The following VAT1L variants were observed in gnomAD, a reference collection of about 807,000 sequenced individuals.
VAT1L encodes putative NADPH-dependent quinone oxidoreductase VAT1L.
VAT1L carries 34 observed loss-of-function variants against 44.1 expected under a neutral mutation model. That is an observed-to-expected ratio of 0.77 (90% CI 0.59 to 1.03). The LOEUF is 1.03. VAT1L is among the 50% of genes least tolerant of loss of function. The pLI is 0.00. For missense variants in VAT1L, 615 were observed against 538.8 expected (o/e 1.14, Z -1.40); for synonymous variants, 253 against 202.2 (o/e 1.25, Z -2.13).
intron 7 of VAT1L, among the ~76,000 whole-genome samples, chr16:77,886,768 G>A (rs1052439004): frequency 2.6e-5 from 4 of 152,172 alleles, no homozygotes; most frequent in Non-Finnish European, 2.9e-5. Context: ...TTGGATATAC[G>A]TTGGTGAGTG....
At chr16:77,885,187 A>T (rs2017197602) in intron 7 of VAT1L, among the ~76,000 whole-genome samples, 1 of 152,170 alleles carries the variant, frequency 6.6e-6, no homozygotes, top group African/African-American at 2.4e-5. Context: ...AGCTAAAATG[A>T]TTTGTGTGCT....
In VAT1L at chr16:77,884,756, A is replaced by G; in HGVS notation, c.1031A>G (p.Gln344Arg). Residue 344 changes from glutamine (Q) to arginine (R), a missense_variant, in exon 7 of 9, where the codon CAG becomes CGG. Coordinates refer to ENST00000302536, the MANE Select transcript of VAT1L (RefSeq NM_020927.3). This position sits in a 1 kb window ranked among gnomAD's most constrained non-coding sequence, Gnocchi z 4.5. Reference protein sequence around the residue: ...VVEKLIGLYNQKKIKPVVDSL... With the variant: ...VVEKLIGLYNRKKIKPVVDSL... ...GAAAAACTCATAGGGCTCTACAACC[A>G]GAAGAAGATCAAGCCTGTGGTGGAC... 1 of 1,586,008 alleles carries G rather than the reference A, an allele frequency of 6.3e-7. No individual in the cohort carries two copies. The highest frequency in any genetic ancestry group is 8.6e-7 in the Non-Finnish European group (1 of 1,166,976).
chr16:77,878,596 T>C (rs1317855679), intron 5 of VAT1L, among the ~76,000 whole-genome samples: 2 of 152,178 alleles, frequency 1.3e-5, no homozygotes, highest in Non-Finnish European at 2.9e-5. Context: ...GTTTCTCATA[T>C]GCTTGTCTCA....
At chr16:77,863,038 A>T (rs2016933177) in intron 4 of VAT1L, 148 bp downstream of exon 4, 1 of 978,862 alleles carries the variant, frequency 1.0e-6, no homozygotes, top group East Asian at 2.6e-5. Context: ...CAAATATTTC[A>T]CACGCATTAG....
intron 1 of VAT1L, among the ~76,000 whole-genome samples, chr16:77,790,620 C>A (rs1244289788): frequency 6.6e-6 from 1 of 152,134 alleles, no homozygotes; most frequent in Non-Finnish European, 1.5e-5. Flanking sequence ...TATACACACA[C>A]CTATGCATAT....
At chr16:77,857,052 C>T (rs559184709) in intron 3 of VAT1L, among the ~76,000 whole-genome samples, 3 of 152,242 alleles carry the variant, frequency 2.0e-5, no homozygotes, top group Non-Finnish European at 2.9e-5. Context: ...CAAAAGAAGC[C>T]GCAGCTGCTA....
chr16:77,974,144 C>A (rs190156979), intron 8 of VAT1L, among the ~76,000 whole-genome samples: 4 of 152,262 alleles, frequency 2.6e-5, no homozygotes, highest in East Asian at 3.9e-4. Context: ...GTGACTGATA[C>A]AACATGGATA....
chr16:77,950,078 C>G (rs2018022905), intron 7 of VAT1L, among the ~76,000 whole-genome samples: 1 of 152,162 alleles, frequency 6.6e-6, no homozygotes, highest in African/African-American at 2.4e-5. Context: ...AACTTATTAT[C>G]CAATGAACAT....
chr16:77,909,475 A>G (rs2017475035), intron 7 of VAT1L, among the ~76,000 whole-genome samples: 1 of 151,930 alleles, frequency 6.6e-6, no homozygotes, highest in South Asian at 2.1e-4. Flanking sequence ...TGTCTCTACT[A>G]AAAATACAAA....
intron 3 of VAT1L, among the ~76,000 whole-genome samples, chr16:77,849,292 G>T (rs563742171): frequency 2.2e-4 from 34 of 152,320 alleles, no homozygotes; most frequent in Middle Eastern, 3.4e-3. Context: ...ATGAGACAGA[G>T]AGCATACCAT....
At chr16:77,864,580 T>G (rs577825201) in intron 4 of VAT1L, among the ~76,000 whole-genome samples, 1 of 152,136 alleles carries the variant, frequency 6.6e-6, no homozygotes, top group Non-Finnish European at 1.5e-5. Context: ...CACTCCAGCA[T>G]GGGTGACAGA....
chr16:77,911,674 G>C (rs573475010), intron 7 of VAT1L, among the ~76,000 whole-genome samples: 75 of 152,284 alleles, frequency 4.9e-4, no homozygotes, highest in African/African-American at 1.8e-3. Flanking sequence ...GCTGTTTGTG[G>C]GAGGTGGGGA....
chr16:77,884,704 C>A lies in VAT1L; in HGVS notation c.979C>A (p.Arg327=). 6.2e-7 allele frequency: 1 copy of A among 1,611,424 alleles called. No individual in the cohort carries two copies. The highest frequency in any genetic ancestry group is 1.3e-5 in the African/African-American group (1 of 74,926). ...TTTAAATCTGCTCTTCAAACAAGGC[C>A]GGGCGGGCCTCATTCGGGGAGTGGT... ...SLLNLLFKQG[R]AGLIRGVVEK... Residue 327 remains arginine (R), a synonymous_variant, in exon 7 of 9, where the codon CGG becomes AGG. Coordinates refer to ENST00000302536, the MANE Select transcript of VAT1L (RefSeq NM_020927.3). This position sits in a 1 kb window ranked among gnomAD's most constrained non-coding sequence, Gnocchi z 4.5.
intron 1 of VAT1L, among the ~76,000 whole-genome samples, chr16:77,803,220 C>T (rs113118109): frequency 1.5e-3 from 226 of 152,210 alleles, no homozygotes; most frequent in African/African-American, 5.3e-3. Flanking sequence ...TAAATATTAC[C>T]TAACTAAAAG....
intron 4 of VAT1L, among the ~76,000 whole-genome samples, chr16:77,870,223 A>G (rs975199870): frequency 6.6e-6 from 1 of 152,176 alleles, no homozygotes; most frequent in African/African-American, 2.4e-5. Flanking sequence ...CCAGTCCTCT[A>G]TAAGAAGCCT....
Position 77,788,777 on chromosome 16 carries a change from G to A in VAT1L, c.95G>A (p.Gly32Asp), listed in dbSNP as rs562365344. The A allele has an allele frequency of 1.3e-6, 2 of 1,563,730 alleles. No individual in the cohort carries two copies. The highest frequency in any genetic ancestry group is 1.9e-5 in the Admixed American group (1 of 51,598). The change falls in exon 1 of 9, where the codon GGC (glycine) becomes GAC (aspartate). Residue 32 changes from glycine to aspartate, a missense_variant. Physicochemically the swap from Gly to Asp is moderately conservative, Grantham distance 94 (BLOSUM62 -1). Coordinates refer to ENST00000302536, the MANE Select transcript of VAT1L (RefSeq NM_020927.3). ...CCGGCGGAGGGCGGCGGCGGCGACGGCTCGCACCGCCTCGGGGACGCCCAG... is the reference window on the plus strand; with the variant it reads ...CCGGCGGAGGGCGGCGGCGGCGACGACTCGCACCGCCTCGGGGACGCCCAG... The part of the protein sequence containing the change: ...KEPAEGGGGD[G>D]SHRLGDAQEM...
chr16:77,975,225 T>TTTTTTTTTTTTTTTTTG, intron 8 of VAT1L, among the ~76,000 whole-genome samples: 1 of 78,648 alleles, frequency 1.3e-5, no homozygotes, highest in Non-Finnish European at 2.5e-5. Flanking sequence ...TTTTTTTTTT[T>TTTTTTTTTTTTTTTTTG]TTTAAAGACA....
At chr16:77,822,400 G>A (rs1451001033) in intron 2 of VAT1L, among the ~76,000 whole-genome samples, 2 of 152,152 alleles carry the variant, frequency 1.3e-5, no homozygotes, top group African/African-American at 4.8e-5. Flanking sequence ...TTATAGGCGT[G>A]AGCCACCACG....
At chr16:77,975,599 T>C (rs1436429055) in intron 8 of VAT1L, among the ~76,000 whole-genome samples, 1 of 152,132 alleles carries the variant, frequency 6.6e-6, no homozygotes. Flanking sequence ...TAGTCTGGGC[T>C]CTAAGGCGTG....
Sources: gnomAD v4.1 joint callset for allele counts (sites outside exome capture counted in the v4.1 genomes callset) on GRCh38, gnomAD v4.1.1 for gene constraint, Gnocchi (gnomAD v3.1) non-coding constraint, MANE v1.5 for transcripts, NCBI Gene and HGNC (gene_info 2026-07-23, HGNC 2026-07-21) for gene names.